The following CTNNA2 variants were observed in gnomAD, a reference collection of about 807,000 sequenced individuals.
The protein encoded by CTNNA2 is catenin alpha-2.
CTNNA2 carries 42 observed loss-of-function variants against 101.0 expected under a neutral mutation model. That is an observed-to-expected ratio of 0.42 (90% CI 0.32 to 0.54). CTNNA2 has a LOEUF of 0.54. Ranked by LOEUF, CTNNA2 falls within the 20% of genes least tolerant of loss-of-function variation. The pLI is 0.14. For synonymous variants in CTNNA2, 450 were observed against 456.4 expected, an observed-to-expected ratio of 0.99 and a Z score of 0.18; for missense variants, 871 against 1,223.1, an observed-to-expected ratio of 0.71 and a Z score of 4.29.
At chr2:80,067,179 A>G (rs1374044043) in intron 7 of CTNNA2, among the ~76,000 whole-genome samples, 1 of 81,082 alleles carries the variant, frequency 1.2e-5, no homozygotes, top group African/African-American at 2.8e-5. Flanking sequence ...CATGGTGACT[A>G]TAGTTAATGT....
chr2:80,533,097 T>C (rs1029276108), intron 9 of CTNNA2, among the ~76,000 whole-genome samples: 4 of 152,238 alleles, frequency 2.6e-5, no homozygotes, highest in African/African-American at 9.6e-5. Context: ...GCTATGTGTG[T>C]ATCTTTGATT....
chr2:79,716,151 T>A (rs1686088841), intron 2 of CTNNA2, among the ~76,000 whole-genome samples: 1 of 152,112 alleles, frequency 6.6e-6, no homozygotes, highest in South Asian at 2.1e-4. Context: ...AGGGTGGAGT[T>A]GTGGGAGAGG....
At chr2:80,066,841 T>C (rs1359449882) in intron 7 of CTNNA2, among the ~76,000 whole-genome samples, 1 of 152,220 alleles carries the variant, frequency 6.6e-6, no homozygotes, top group Non-Finnish European at 1.5e-5. Flanking sequence ...AACCTCAGTG[T>C]TCATCAGTGA....
chr2:79,855,091 C>G (rs548935981), intron 3 of CTNNA2, among the ~76,000 whole-genome samples: 2 of 152,134 alleles, frequency 1.3e-5, no homozygotes, highest in Non-Finnish European at 2.9e-5. Context: ...GTTTAATTTG[C>G]TTTGAATGAA....
At chr2:79,730,765 G>A (rs1052557382) in intron 2 of CTNNA2, among the ~76,000 whole-genome samples, 2 of 151,884 alleles carry the variant, frequency 1.3e-5, no homozygotes, top group African/African-American at 2.4e-5. Context: ...TCAAGGTAGA[G>A]TGTACTCACA....
At chr2:80,254,474 G>T (rs749834747) in intron 7 of CTNNA2, among the ~76,000 whole-genome samples, 41 of 152,128 alleles carry the variant, frequency 2.7e-4, no homozygotes, top group Non-Finnish European at 4.9e-4. Context: ...GGGGGAGCTG[G>T]TTCAGGAACT....
chr2:80,619,242 C>A lies in CTNNA2; in HGVS notation c.2574+14C>A. ...GATTCCTCCATGGTGAGTAAATTGA[C>A]TTTCTAATCTAATGTCTTTCATTGT... On this transcript the variant is annotated intron_variant, in intron 18 of 18. Coordinates refer to ENST00000402739, the MANE Select transcript of CTNNA2 (RefSeq NM_001282597.3). 1.3e-6 allele frequency: 2 copies of A among 1,521,662 alleles called. No individual in the cohort carries two copies. The highest frequency in any genetic ancestry group is 1.8e-6 in the Non-Finnish European group (2 of 1,132,150). The allele number at this position is 1,521,662 out of a possible 1,614,324, so 94.3% of individuals were successfully genotyped here. A position where few individuals can be genotyped will look rare whatever the true frequency, so the allele number is the denominator to read the frequency against.
chr2:80,102,303 C>T (rs1306482967), intron 7 of CTNNA2, among the ~76,000 whole-genome samples: 4 of 152,098 alleles, frequency 2.6e-5, no homozygotes, highest in Admixed American at 2.6e-4. Context: ...AAGGAGAATC[C>T]TTCCACCTTG....
chr2:80,639,290 A>C (rs1050696997), intron 18 of CTNNA2, among the ~76,000 whole-genome samples: 5 of 151,732 alleles, frequency 3.3e-5, no homozygotes, highest in Admixed American at 3.3e-4. Flanking sequence ...GCTCACTACA[A>C]CCTCCGCCTC....
At chr2:79,666,203 A>ATAT (rs1682407407) in intron 2 of CTNNA2, among the ~76,000 whole-genome samples, 1 of 152,218 alleles carries the variant, frequency 6.6e-6, no homozygotes, top group African/African-American at 2.4e-5. Flanking sequence ...CTTCTTTCCC[A>ATAT]GAAAAAAACA....
chr2:80,158,412 T>C (rs577417414), intron 7 of CTNNA2, among the ~76,000 whole-genome samples: 51 of 152,362 alleles, frequency 3.3e-4, no homozygotes, highest in African/African-American at 1.1e-3. Flanking sequence ...TTTCGCACAA[T>C]GGTATCATCT....
chr2:80,632,791 GTGATGTAATAATCTT>G (rs2149834688), intron 18 of CTNNA2, among the ~76,000 whole-genome samples: 1 of 152,224 alleles, frequency 6.6e-6, no homozygotes, highest in Non-Finnish European at 1.5e-5. Flanking sequence ...GTACCCAGAG[GTGATGTAATAATCTT>G]TTATAGTCAC....
At chr2:80,364,099 T>G (rs1468522954) in intron 7 of CTNNA2, among the ~76,000 whole-genome samples, 1 of 152,252 alleles carries the variant, frequency 6.6e-6, no homozygotes, top group Middle Eastern at 3.4e-3. Flanking sequence ...GAGGACTGAG[T>G]TGAATACAGT....
At chr2:80,067,681 G>T (rs754586707) in intron 7 of CTNNA2, among the ~76,000 whole-genome samples, 6 of 152,182 alleles carry the variant, frequency 3.9e-5, no homozygotes, top group Non-Finnish European at 7.3e-5. Context: ...GAGAATAAAA[G>T]AAGGGAAGTG....
chr2:80,627,984 G>T (rs1255121667), intron 18 of CTNNA2, among the ~76,000 whole-genome samples: 6 of 152,068 alleles, frequency 3.9e-5, no homozygotes, highest in African/African-American at 1.4e-4. Context: ...CAAACAGAGA[G>T]CCAAGTCATG....
intron 7 of CTNNA2, among the ~76,000 whole-genome samples, chr2:80,304,907 C>CAA (rs56174873): frequency 1.5e-3 from 107 of 73,698 alleles, no homozygotes; most frequent in Non-Finnish European, 1.6e-3. Context: ...GTCCATATTT[C>CAA]AAAAAAAAAA....
chr2:80,204,007 G>A (rs148439450), intron 7 of CTNNA2, among the ~76,000 whole-genome samples: 497 of 152,320 alleles, frequency 3.3e-3, no homozygotes, highest in African/African-American at 0.011. Flanking sequence ...AACAGCCTGA[G>A]CTATACCATG....
At chr2:80,091,030 G>T (rs1699762101) in intron 7 of CTNNA2, among the ~76,000 whole-genome samples, 1 of 152,108 alleles carries the variant, frequency 6.6e-6, no homozygotes, top group Non-Finnish European at 1.5e-5. Context: ...ACAGAGATTT[G>T]GAATTGTATT....
At chr2:80,172,647 AT>A (rs1705139295) in intron 7 of CTNNA2, among the ~76,000 whole-genome samples, 1 of 152,190 alleles carries the variant, frequency 6.6e-6, no homozygotes, top group Admixed American at 6.5e-5. Context: ...GTATTGTCTC[AT>A]GGCTCTAGAG....
Sources: allele counts gnomAD v4.1 joint callset (sites outside exome capture counted in the v4.1 genomes callset), GRCh38; gene constraint gnomAD v4.1.1; transcripts MANE v1.5; gene names NCBI Gene and HGNC (gene_info 2026-07-23, HGNC 2026-07-21).